JAKMIP1: variants seen among roughly 807,000 people sequenced by gnomAD.
JAKMIP1 encodes janus kinase and microtubule-interacting protein 1.
A neutral mutation model predicts 113.0 loss-of-function variants in JAKMIP1; 33 were observed. The observed-to-expected ratio is 0.29, with a 90% CI of 0.22 to 0.39. The LOEUF (loss-of-function observed/expected upper bound fraction) is 0.39. JAKMIP1 is among the 10% of genes least tolerant of loss of function. The pLI is 1.00. For synonymous variants in JAKMIP1, 480 were observed against 459.9 expected (o/e 1.04, Z -0.56); for missense variants, 813 against 1,080.5 (o/e 0.75, Z 3.47).
At position 6,065,165 on chromosome 4, in the gene JAKMIP1, G is replaced by C. The variant is rs1367214367; in HGVS notation, c.1303-157C>G. On this transcript the variant is annotated intron_variant, in intron 8 of 20. Transcript: ENST00000409021. The surrounding 1 kb of genome is among the most constrained non-coding windows in gnomAD (Gnocchi z 5.1). ...GTTGGTGGGCTTCGTAACTGACTGG[G>C]TGGGATAAAAGGTGGCAGCAGGTGG... is the stretch of plus-strand genomic sequence containing the variant. 6.6e-6 allele frequency among the ~76,000 whole-genome samples: 1 copy of C among 152,206 alleles called. No individual in the cohort carries two copies. Among genetic ancestry groups the C allele is most frequent in the Non-Finnish European group, 1.5e-5 (1 of 68,036 alleles).
At chr4:6,038,535 T>C (rs1713873972) in intron 18 of JAKMIP1, among the ~76,000 whole-genome samples, 1 of 152,178 alleles carries the variant, frequency 6.6e-6, no homozygotes, top group Non-Finnish European at 1.5e-5. Flanking sequence ...TATCCCTCCA[T>C]CACCGAGGAA....
At chr4:6,063,749 A>G (rs1717651818) in intron 9 of JAKMIP1, among the ~76,000 whole-genome samples, 1 of 152,198 alleles carries the variant, frequency 6.6e-6, no homozygotes, top group South Asian at 2.1e-4. Context: ...CCTAGAAGTC[A>G]TTCCAGATGG....
At chr4:6,098,554 GAAAGAAAGAAAGAAAGAAAGAA>G in intron 3 of JAKMIP1, among the ~76,000 whole-genome samples, 1 of 121,210 alleles carries the variant, frequency 8.3e-6, no homozygotes, top group South Asian at 2.4e-4. Flanking sequence ...GAAAAAGAAA[GAAAGAAAGAAAGAAAGAAAGAA>G]AGAAAGAAGG....
At position 6,156,873 on chromosome 4, in the gene JAKMIP1, C is replaced by T. The variant is rs1043835374; in HGVS notation, c.-148+43380G>A. Among the ~76,000 whole-genome samples, 20 of 152,196 alleles carry T rather than the reference C, an allele frequency of 1.3e-4. No homozygotes were observed. The highest frequency in any genetic ancestry group is 1.2e-3 in the Admixed American group (18 of 15,282). On this transcript the variant is annotated intron_variant, in intron 1 of 20. Coordinates refer to ENST00000409021, the MANE Select transcript of JAKMIP1 (RefSeq NM_001099433.2). The surrounding 1 kb of genome is among the most constrained non-coding windows in gnomAD (Gnocchi z 5.0). ...TCACGTTACAATTGTTCAGTAGACC[C>T]ACACCCCATTGGCCAACAGCCACAG...
Position 6,086,619 on chromosome 4 carries a change from C to T in JAKMIP1, c.625-990G>A, listed in dbSNP as rs1194687833. 1.3e-5 allele frequency among the ~76,000 whole-genome samples: 2 copies of T among 152,126 alleles called. No individual in the cohort carries two copies. Among genetic ancestry groups the T allele is most frequent in the Admixed American group, 6.5e-5 (1 of 15,274 alleles). Reference sequence around the variant, plus strand: ...GAGGAAGTGTCAGCCCCAGGTCATCCACTCTGGCTTTTTCTGGATGCTCCA... The same window carrying T: ...GAGGAAGTGTCAGCCCCAGGTCATCTACTCTGGCTTTTTCTGGATGCTCCA... On this transcript the variant is annotated intron_variant, in intron 3 of 20. Transcript: ENST00000409021. This position sits in a 1 kb window ranked among gnomAD's most constrained non-coding sequence, Gnocchi z 4.1.
chr4:6,198,403 T>C (rs7378328), intron 1 of JAKMIP1, among the ~76,000 whole-genome samples: 131,976 of 151,382 alleles, frequency 0.87, 57,751 homozygotes, highest in East Asian at 0.97. Context: ...GCTGAGACAT[T>C]GTGGCAGGGA....
rs1714386919 is a variant in JAKMIP1, at chr4:6,108,770, C to T, written c.130-2803G>A. Among the ~76,000 whole-genome samples, 2 of 152,178 alleles carry T rather than the reference C, an allele frequency of 1.3e-5. No individual in the cohort carries two copies. Among genetic ancestry groups the T allele is most frequent in the Non-Finnish European group, 2.9e-5 (2 of 68,020 alleles). On this transcript the variant is annotated intron_variant, in intron 2 of 20. Transcript: ENST00000409021. This position sits in a 1 kb window ranked among gnomAD's most constrained non-coding sequence, Gnocchi z 5.6. ...TGGCAGAGGGGGAAGCCAGGTTTCCCACTTGGAGTAAGAGGTTACAGACAA... is the reference window on the plus strand; with the variant it reads ...TGGCAGAGGGGGAAGCCAGGTTTCCTACTTGGAGTAAGAGGTTACAGACAA...
At chr4:6,114,858 C>A (rs986654572) in intron 1 of JAKMIP1, among the ~76,000 whole-genome samples, 2 of 152,212 alleles carry the variant, frequency 1.3e-5, no homozygotes, top group African/African-American at 4.8e-5. Flanking sequence ...CCTCCCCATG[C>A]CCTGATGGGC....
chr4:6,126,710 A>G (rs1560234180), intron 1 of JAKMIP1, among the ~76,000 whole-genome samples: 1 of 146,572 alleles, frequency 6.8e-6, no homozygotes, highest in Non-Finnish European at 1.5e-5. Flanking sequence ...GCATGCCCAC[A>G]CCATACAGAA....
At chr4:6,071,774 A>G (rs1718990782) in intron 8 of JAKMIP1, among the ~76,000 whole-genome samples, 1 of 152,268 alleles carries the variant, frequency 6.6e-6, no homozygotes, top group East Asian at 1.9e-4. Context: ...AGACGCCTGC[A>G]TGTGGTCCAG....
At chr4:6,063,523 T>C (rs1034460143) in intron 9 of JAKMIP1, among the ~76,000 whole-genome samples, 14 of 152,110 alleles carry the variant, frequency 9.2e-5, no homozygotes, top group African/African-American at 3.4e-4. Flanking sequence ...AGCCGGCACT[T>C]GGGCTGAGGC....
intron 18 of JAKMIP1, among the ~76,000 whole-genome samples, chr4:6,037,346 C>T (rs74580100): frequency 8.8e-6 from 1 of 114,168 alleles, no homozygotes; most frequent in Non-Finnish European, 1.7e-5. Flanking sequence ...CAGAGGTTAA[C>T]CCAGTAGCCC....
rs943300931 is a variant in JAKMIP1, at chr4:6,106,886, G to T, written c.130-919C>A. ...ATGAATTGCCTCTGGTGGACAAGCT[G>T]CTTCCAGGGAAAATGGCAATGTTTT... On this transcript the variant is annotated intron_variant, in intron 2 of 20. Transcript: ENST00000409021. This position sits in a 1 kb window ranked among gnomAD's most constrained non-coding sequence, Gnocchi z 5.9. 2.0e-5 allele frequency among the ~76,000 whole-genome samples: 3 copies of T among 152,148 alleles called. No individual in the cohort carries two copies. The highest frequency in any genetic ancestry group is 6.5e-5 in the Admixed American group (1 of 15,284).
chr4:6,045,422 T>G (rs1224906162), intron 16 of JAKMIP1, among the ~76,000 whole-genome samples: 1 of 152,154 alleles, frequency 6.6e-6, no homozygotes, highest in African/African-American at 2.4e-5. Flanking sequence ...GGCTGATGGG[T>G]GCCAGGACGG....
chr4:6,040,053 A>ACTCCC lies in JAKMIP1; in HGVS notation c.2175+581_2175+585dup, dbSNP rs1250598820. ...CGACAAGTTTCTATGATCTTACTCAACTCCCCTCCACCCCGAAGGAGAATT... is the reference window on the plus strand; with the variant it reads ...CGACAAGTTTCTATGATCTTACTCAACTCCCCTCCCCTCCACCCCGAAGGAGAATT... On this transcript the variant is annotated intron_variant, in intron 18 of 20. Transcript: ENST00000409021. The surrounding 1 kb of genome is among the most constrained non-coding windows in gnomAD (Gnocchi z 5.8). Among the ~76,000 whole-genome samples, 1 of 151,904 alleles carries ACTCCC rather than the reference A, an allele frequency of 6.6e-6. No homozygotes were observed. The highest frequency in any genetic ancestry group is 1.5e-5 in the Non-Finnish European group (1 of 67,994).
At position 6,176,807 on chromosome 4, in the gene JAKMIP1, C is replaced by T. The variant is rs939485835; in HGVS notation, c.-148+23446G>A. Among the ~76,000 whole-genome samples the T allele has an allele frequency of 3.3e-5, 5 of 152,220 alleles. No individual in the cohort carries two copies. The South Asian group carries it at 6.2e-4, about 19-fold the overall frequency. ...AGCACTTTTTGGGGGCCGAGGCAGG[C>T]GGATCACTTGAGCCCAGAAGTTAGA... is the stretch of plus-strand genomic sequence containing the variant. On this transcript the variant is annotated intron_variant, in intron 1 of 20. Coordinates refer to ENST00000409021, the MANE Select transcript of JAKMIP1 (RefSeq NM_001099433.2). This position sits in a 1 kb window ranked among gnomAD's most constrained non-coding sequence, Gnocchi z 5.5.
At chr4:6,075,742 T>C (rs1023445115) in intron 8 of JAKMIP1, among the ~76,000 whole-genome samples, 1 of 152,192 alleles carries the variant, frequency 6.6e-6, no homozygotes, top group African/African-American at 2.4e-5. Flanking sequence ...AGTCAACACC[T>C]ACTCTGTGCC....
Position 6,153,170 on chromosome 4 carries a change from C to T in JAKMIP1, c.-147-40173G>A, listed in dbSNP as rs1721820005. ...TCAAAATCAAGCTCTACCAGACTCTCCTGGCATCCAGCTCACCAGAGGCCA... is the reference window on the plus strand; with the variant it reads ...TCAAAATCAAGCTCTACCAGACTCTTCTGGCATCCAGCTCACCAGAGGCCA... On this transcript the variant is annotated intron_variant, in intron 1 of 20. Transcript: ENST00000409021. The surrounding 1 kb of genome is among the most constrained non-coding windows in gnomAD (Gnocchi z 4.9). 6.6e-6 allele frequency among the ~76,000 whole-genome samples: 1 copy of T among 152,168 alleles called. No individual in the cohort carries two copies. The highest frequency in any genetic ancestry group is 2.4e-5 in the African/African-American group (1 of 41,442).
rs1326721671 is a variant in JAKMIP1 at position 6,106,046 on chromosome 4, C to A, written c.130-79G>T. The A allele has an allele frequency of 3.1e-6, 3 of 960,378 alleles. No homozygotes were observed. The African/African-American group carries it at 4.9e-5, about 16-fold the overall frequency. 59.5% of individuals were successfully genotyped at this position (960,378 alleles called of 1,614,324 possible). ...AGGGTCAGGGTCACAGCTGGGGGAGCTGGCCACAGCCTCCCCACGCCCAAG... is the reference window on the plus strand; with the variant it reads ...AGGGTCAGGGTCACAGCTGGGGGAGATGGCCACAGCCTCCCCACGCCCAAG... On this transcript the variant is annotated intron_variant, in intron 2 of 20. Transcript: ENST00000409021. This position sits in a 1 kb window ranked among gnomAD's most constrained non-coding sequence, Gnocchi z 5.9.
Sources: allele counts gnomAD v4.1 joint callset (sites outside exome capture counted in the v4.1 genomes callset), GRCh38; gene constraint gnomAD v4.1.1; non-coding constraint Gnocchi (gnomAD v3.1); transcripts MANE v1.5; gene names NCBI Gene and HGNC (gene_info 2026-07-23, HGNC 2026-07-21).